The following COL27A1 variants were observed in gnomAD, a reference collection of about 807,000 sequenced individuals.
COL27A1 encodes the protein collagen alpha-1(XXVII) chain.
COL27A1 carries 106 observed loss-of-function variants against 251.3 expected under a neutral mutation model. The ratio of observed to expected loss-of-function variants is 0.42; its 90% CI spans 0.36 to 0.50. The LOEUF (loss-of-function observed/expected upper bound fraction) is 0.50, where lower values mean the gene tolerates loss of function less well. COL27A1 is among the 20% of genes least tolerant of loss of function. The pLI is 0.00. For synonymous variants in COL27A1, 1,000 were observed against 986.3 expected (o/e 1.01, Z -0.26); for missense variants, 2,325 against 2,522.8 (o/e 0.92, Z 1.68).
intron 27 of COL27A1, among the ~76,000 whole-genome samples, chr9:114,254,945 G>A (rs190932976): frequency 1.3e-5 from 2 of 152,352 alleles, no homozygotes; most frequent in East Asian, 3.9e-4. Context: ...GGCCGAGGAG[G>A]TAGAGGGGTG....
In COL27A1 at chr9:114,211,961, G is replaced by C. The variant is rs74321526; in HGVS notation, c.2367+935G>C. Among the ~76,000 whole-genome samples, 1,971 of 152,328 alleles carry C rather than the reference G, an allele frequency of 0.013. 92 individuals are homozygous for C. In the East Asian group the frequency reaches 0.15, roughly 12 times the overall value. On this transcript the variant is annotated intron_variant, in intron 12 of 60. Coordinates refer to ENST00000356083, the MANE Select transcript of COL27A1 (RefSeq NM_032888.4). ...CCCATCGCTGGTGGTTGGTGAGGAA[G>C]GGAGTATGAAGAGGAGGCCTGGAGC...
chr9:114,226,927 A>G (rs997703264), intron 14 of COL27A1, among the ~76,000 whole-genome samples: 1 of 152,168 alleles, frequency 6.6e-6, no homozygotes, highest in African/African-American at 2.4e-5. Context: ...AGCGAGAGGC[A>G]TGGGGCTCTG....
intron 5 of COL27A1, 89 bp from the exon 6 acceptor site, chr9:114,194,315 A>G: frequency 7.8e-7 from 1 of 1,283,486 alleles, no homozygotes. Context: ...CATTTAAGCA[A>G]GGGAGCAGGG....
chr9:114,156,973 C>G (rs2567723), intron 1 of COL27A1, among the ~76,000 whole-genome samples: 12,300 of 152,164 alleles, frequency 0.081, 575 homozygotes, highest in Middle Eastern at 0.15. Flanking sequence ...GGCCCTGCCC[C>G]CTTTGAGCTG....
At chr9:114,179,349 C>T (rs949418834) in intron 4 of COL27A1, among the ~76,000 whole-genome samples, 4 of 152,106 alleles carry the variant, frequency 2.6e-5, no homozygotes, top group African/African-American at 9.7e-5. Context: ...CTCTGGGGAC[C>T]ACATAGATAT....
chr9:114,244,390 A>T (rs577750369), intron 23 of COL27A1, among the ~76,000 whole-genome samples: 16 of 152,294 alleles, frequency 1.1e-4, no homozygotes, highest in East Asian at 5.8e-4. Context: ...CAGGGTTTTT[A>T]AAAAATGTTA....
Position 114,167,838 on chromosome 9 carries a change from G to A in COL27A1, c.283G>A (p.Gly95Ser). 1 of 1,613,522 alleles carries A rather than the reference G, an allele frequency of 6.2e-7. No homozygotes were observed. The highest frequency in any genetic ancestry group is 1.3e-5 in the African/African-American group (1 of 75,066). ...PTGTVIPAAL[G>S]TELALVLSLC... Reference sequence around the variant, plus strand: ...GGGCACCGTCATTCCTGCCGCCTTGGGCACAGAGCTGGCACTGGTGCTGAG... The same window carrying A: ...GGGCACCGTCATTCCTGCCGCCTTGAGCACAGAGCTGGCACTGGTGCTGAG... Residue 95 changes from glycine to serine, a missense_variant, in exon 3 of 61, where the codon GGC becomes AGC. Coordinates refer to ENST00000356083, the MANE Select transcript of COL27A1 (RefSeq NM_032888.4).
chr9:114,162,911 T>G (rs1351168701), intron 2 of COL27A1, 126 bp downstream of exon 2: 5 of 660,408 alleles, frequency 7.6e-6, no homozygotes, highest in Non-Finnish European at 1.1e-5. Flanking sequence ...ATCAGTAGAA[T>G]GGAGATGATA....
chr9:114,285,197 G>C (rs1380818824), intron 41 of COL27A1, among the ~76,000 whole-genome samples: 1 of 152,206 alleles, frequency 6.6e-6, no homozygotes, highest in Non-Finnish European at 1.5e-5. Flanking sequence ...TTGGGACAGA[G>C]AGCAAGGAAC....
At chr9:114,244,479 C>T (rs143410767) in intron 23 of COL27A1, among the ~76,000 whole-genome samples, 1,685 of 152,314 alleles carry the variant, frequency 0.011, 38 homozygotes, top group African/African-American at 0.038. Context: ...TTCCCAAGGA[C>T]TCCCTTAAGT....
chr9:114,304,990 A>T (rs1828930447), intron 57 of COL27A1, among the ~76,000 whole-genome samples: 1 of 152,176 alleles, frequency 6.6e-6, no homozygotes. Context: ...CTGGGCCCAG[A>T]GCCCGCAGCA....
intron 48 of COL27A1, among the ~76,000 whole-genome samples, 165 bp from the exon 49 acceptor site, chr9:114,291,938 T>C (rs1360889768): frequency 6.6e-6 from 1 of 151,828 alleles, no homozygotes; most frequent in Non-Finnish European, 1.5e-5. Flanking sequence ...GAGGTGAAAG[T>C]CTTGTCACCC....
intron 21 of COL27A1, among the ~76,000 whole-genome samples, chr9:114,241,301 G>A (rs189406040): frequency 1.8e-4 from 27 of 152,344 alleles, no homozygotes; most frequent in Non-Finnish European, 3.4e-4. Context: ...CAGATTCACC[G>A]CGACCGCAGG....
At chr9:114,270,530 G>A (rs570257774) in intron 35 of COL27A1, among the ~76,000 whole-genome samples, 198 bp from the exon 36 acceptor site, 1 of 152,290 alleles carries the variant, frequency 6.6e-6, no homozygotes, top group South Asian at 2.1e-4. Context: ...GCTGAGGGTG[G>A]GCACCTCAAC....
chr9:114,283,188 CT>C, intron 39 of COL27A1, among the ~76,000 whole-genome samples: 1 of 152,298 alleles, frequency 6.6e-6, no homozygotes, highest in East Asian at 1.9e-4. Flanking sequence ...CCCTCCATGT[CT>C]GGTTTCAAGC....
chr9:114,155,864 T>C lies in COL27A1; in HGVS notation c.-87T>C. 9.6e-7 allele frequency: 1 copy of C among 1,038,754 alleles called. No homozygotes were observed. The highest frequency in any genetic ancestry group is 1.2e-6 in the Non-Finnish European group (1 of 855,630). 64.3% of individuals were successfully genotyped at this position (1,038,754 alleles called of 1,614,324 possible). On this transcript the variant is annotated 5_prime_UTR_variant, in exon 1 of 61. Coordinates refer to ENST00000356083, the MANE Select transcript of COL27A1 (RefSeq NM_032888.4). The surrounding 1 kb of genome is among the most constrained non-coding windows in gnomAD (Gnocchi z 5.5). ...GGGGGCCGCGCGCTCTAAGCCGGCCTGGCGCGGCGGGGCGGGGGGCTGGCG... is the reference window on the plus strand; with the variant it reads ...GGGGGCCGCGCGCTCTAAGCCGGCCCGGCGCGGCGGGGCGGGGGGCTGGCG...
At chr9:114,205,076 G>A in intron 7 of COL27A1, 26 bp from the exon 8 acceptor site, 2 of 1,613,136 alleles carry the variant, frequency 1.2e-6, no homozygotes, top group Non-Finnish European at 1.7e-6. Context: ...CTCCCTGCCT[G>A]ATGCAGCTTC....
At chr9:114,235,378 C>T (rs1045197400) in intron 16 of COL27A1, among the ~76,000 whole-genome samples, 2 of 152,186 alleles carry the variant, frequency 1.3e-5, no homozygotes, top group Non-Finnish European at 2.9e-5. Flanking sequence ...TTCAGCCATC[C>T]GAGCAGCCCC....
At chr9:114,253,319 G>GAA (rs1486815120) in intron 27 of COL27A1, among the ~76,000 whole-genome samples, 6 of 148,114 alleles carry the variant, frequency 4.1e-5, no homozygotes, top group East Asian at 2.0e-4. Context: ...AAGAAAGAAA[G>GAA]AGAGAGGAAG....
Sources: allele counts gnomAD v4.1 joint callset (sites outside exome capture counted in the v4.1 genomes callset), GRCh38; gene constraint gnomAD v4.1.1; non-coding constraint Gnocchi (gnomAD v3.1); transcripts MANE v1.5; gene names NCBI Gene and HGNC (gene_info 2026-07-23, HGNC 2026-07-21).